CTNNA2: variants seen among roughly 807,000 people sequenced by gnomAD.
CTNNA2 encodes the protein catenin alpha-2.
CTNNA2 carries 42 observed loss-of-function variants against 101.0 expected under a neutral mutation model. The ratio of observed to expected loss-of-function variants is 0.42; its 90% confidence interval spans 0.32 to 0.54. The LOEUF is 0.54. CTNNA2 is among the 20% of genes least tolerant of loss of function. The pLI is 0.14. For missense variants in CTNNA2, 871 were observed against 1,223.1 expected (o/e 0.71, Z 4.29); for synonymous variants, 450 against 456.4 (o/e 0.99, Z 0.18).
chr2:79,631,901 C>T (rs138400576), intron 1 of CTNNA2, among the ~76,000 whole-genome samples: 239 of 152,230 alleles, frequency 1.6e-3, no homozygotes, highest in African/African-American at 5.2e-3. Context: ...TGAATTATGA[C>T]TTTTTGGACT....
At chr2:79,751,798 A>G (rs944423402) in intron 3 of CTNNA2, among the ~76,000 whole-genome samples, 4 of 152,086 alleles carry the variant, frequency 2.6e-5, no homozygotes, top group African/African-American at 9.7e-5. Flanking sequence ...ACCTGACTAA[A>G]TTAGAGAAAA....
At chr2:79,254,642 T>C (rs148638700) in intron 2 of CTNNA2, among the ~76,000 whole-genome samples, 58 of 152,312 alleles carry the variant, frequency 3.8e-4, no homozygotes, top group Middle Eastern at 3.4e-3. Context: ...TCTCAGGTAT[T>C]TCTTTATAGC....
chr2:80,224,533 C>G (rs575815691), intron 7 of CTNNA2, among the ~76,000 whole-genome samples: 152 of 151,054 alleles, frequency 1.0e-3, no homozygotes, highest in African/African-American at 3.4e-3. Context: ...CAACCTCCAT[C>G]TCCTGGGTTC....
chr2:80,271,065 G>A lies in CTNNA2; in HGVS notation c.1057-122146G>A, dbSNP rs183223500. 1.9e-4 allele frequency among the ~76,000 whole-genome samples: 29 copies of A among 152,292 alleles called. No individual in the cohort carries two copies. The East Asian group carries it at 5.6e-3, about 29-fold the overall frequency. The stretch of plus-strand genomic sequence containing the variant: ...AATTTCTCAATCCCAATCCTGTAAT[G>A]TGAGATGCCCCTCTAGCAGATGTGG... On this transcript the variant is annotated intron_variant, in intron 7 of 18. Coordinates refer to ENST00000402739, the MANE Select transcript of CTNNA2 (RefSeq NM_001282597.3).
At chr2:79,622,496 T>C (rs1679059099) in intron 1 of CTNNA2, among the ~76,000 whole-genome samples, 1 of 152,212 alleles carries the variant, frequency 6.6e-6, no homozygotes. Context: ...AATGATGTTT[T>C]TAACATTCCT....
intron 1 of CTNNA2, among the ~76,000 whole-genome samples, chr2:79,536,448 A>G (rs1414283811): frequency 6.6e-6 from 1 of 152,194 alleles, no homozygotes; most frequent in Non-Finnish European, 1.5e-5. Flanking sequence ...CAGATACTCC[A>G]GATACCAGTA....
rs1317196671 is a variant in CTNNA2 at position 79,865,506 on chromosome 2, C to T, written c.466-4310C>T. On this transcript the variant is annotated intron_variant, in intron 4 of 18. Transcript: ENST00000402739. ...ACAATAGTAAACCCTGGAATGGGGT[C>T]AGTCTGTCCAAACAGAAATGATAAT... is the stretch of plus-strand genomic sequence containing the variant. Among the ~76,000 whole-genome samples the T allele has an allele frequency of 2.6e-5, 4 of 152,284 alleles. No homozygotes were observed. In the East Asian group the frequency reaches 7.7e-4, roughly 29 times the overall value.
intron 17 of CTNNA2, among the ~76,000 whole-genome samples, chr2:80,609,567 G>T (rs1698291979): frequency 6.6e-6 from 1 of 151,618 alleles, no homozygotes; most frequent in South Asian, 2.1e-4. Flanking sequence ...CTGCCAAGCT[G>T]GTAATTACCA....
At chr2:80,624,687 C>T (rs543690099) in intron 18 of CTNNA2, among the ~76,000 whole-genome samples, 37 of 151,882 alleles carry the variant, frequency 2.4e-4, no homozygotes, top group Non-Finnish European at 4.4e-4. Context: ...GTTTGGAAGT[C>T]GAGGATTGAT....
At chr2:79,524,787 C>G (rs1672311003) in intron 1 of CTNNA2, 1 of 151,774 alleles carries the variant, frequency 6.6e-6, no homozygotes, top group Non-Finnish European at 1.5e-5. Flanking sequence ...ATATTTATAC[C>G]AATATCAGTA....
chr2:80,213,567 T>G (rs1385932382), intron 7 of CTNNA2, among the ~76,000 whole-genome samples: 1 of 152,242 alleles, frequency 6.6e-6, no homozygotes, highest in African/African-American at 2.4e-5. Context: ...GATTGCACTG[T>G]GGTCTGAGAG....
chr2:80,318,508 G>A (rs892206954), intron 7 of CTNNA2, among the ~76,000 whole-genome samples: 32 of 152,250 alleles, frequency 2.1e-4, no homozygotes, highest in African/African-American at 7.7e-4. Flanking sequence ...AAGAGTGGGA[G>A]TTGGGTTTGA....
chr2:79,432,294 T>G lies in CTNNA2; in HGVS notation c.-135+58281T>G, dbSNP rs940108924. On this transcript the variant is annotated intron_variant, in intron 4 of 21. Coordinates refer to the CTNNA2 transcript ENST00000466387. ...CATGATCATTTAATGGCTGAGAACA[T>G]GGTAACTCCAAGCAGTCAACTTCCT... Among the ~76,000 whole-genome samples the G allele has an allele frequency of 3.3e-5, 5 of 152,134 alleles. No individual in the cohort carries two copies. The South Asian group carries it at 1.0e-3, about 32-fold the overall frequency.
chr2:79,838,437 A>G (rs1574098184), intron 3 of CTNNA2, among the ~76,000 whole-genome samples: 1 of 152,206 alleles, frequency 6.6e-6, no homozygotes, highest in South Asian at 2.1e-4. Context: ...AGGGGTTTCC[A>G]TGCTAGAATG....
chr2:79,405,221 A>G (rs2100290), intron 4 of CTNNA2, among the ~76,000 whole-genome samples: 63,239 of 151,974 alleles, frequency 0.42, 14,177 homozygotes, highest in Non-Finnish European at 0.5. Context: ...AGTTCCATGC[A>G]TGCTATAACC....
intron 7 of CTNNA2, among the ~76,000 whole-genome samples, chr2:80,033,148 C>CAA (rs781462046): frequency 0.1 from 5,752 of 55,896 alleles, 260 homozygotes; most frequent in African/African-American, 0.16. Flanking sequence ...GACTCCATCT[C>CAA]AAAAAAAAAA....
intron 7 of CTNNA2, chr2:80,299,724 T>A (rs1676071951): frequency 6.6e-6 from 1 of 152,198 alleles, no homozygotes; most frequent in African/African-American, 2.4e-5. Context: ...TAAAAATGTC[T>A]TGGGGATAGG....
chr2:79,214,611 G>A (rs1674222084), intron 2 of CTNNA2, among the ~76,000 whole-genome samples: 1 of 152,108 alleles, frequency 6.6e-6, no homozygotes, highest in South Asian at 2.1e-4. Context: ...ATGGTAATGG[G>A]CCTGTGATCA....
At chr2:79,256,805 G>T (rs7426092) in intron 2 of CTNNA2, among the ~76,000 whole-genome samples, 85,982 of 152,044 alleles carry the variant, frequency 0.57, 24,970 homozygotes, top group East Asian at 0.65. Context: ...TTCTCATTTG[G>T]AAAATGAGGA....
Sources: allele counts gnomAD v4.1 joint callset (sites outside exome capture counted in the v4.1 genomes callset), GRCh38; gene constraint gnomAD v4.1.1; transcripts MANE v1.5; gene names NCBI Gene and HGNC (gene_info 2026-07-23, HGNC 2026-07-21).